The following RAD51B variants were observed in gnomAD, a reference collection of about 807,000 sequenced individuals.
The protein encoded by RAD51B is DNA repair protein RAD51 homolog 2.
A neutral mutation model predicts 42.2 loss-of-function variants in RAD51B; 38 were observed. The ratio of observed to expected loss-of-function variants is 0.90; its 90% CI spans 0.70 to 1.18. The LOEUF (loss-of-function observed/expected upper bound fraction) is 1.18. RAD51B is among the 50% of genes most tolerant of loss of function. The pLI, the probability that RAD51B is intolerant of heterozygous loss-of-function variation, is 0.00. For synonymous variants in RAD51B, 154 were observed against 145.2 expected (o/e 1.06, Z -0.43); for missense variants, 373 against 400.7 (o/e 0.93, Z 0.59).
chr14:68,606,074 A>T (rs1891433660), intron 10 of RAD51B, among the ~76,000 whole-genome samples: 1 of 152,132 alleles, frequency 6.6e-6, no homozygotes, highest in Admixed American at 6.5e-5. Context: ...GTGTGCCCTA[A>T]CCACACTCCC....
intron 1 of RAD51B, among the ~76,000 whole-genome samples, chr14:67,820,165 G>T (rs540026513): frequency 1.5e-4 from 23 of 152,290 alleles, no homozygotes; most frequent in African/African-American, 5.3e-4. Context: ...CCCGCTTCGG[G>T]CAGCCTGTCA....
chr14:68,325,837 C>T (rs542942837), intron 8 of RAD51B, among the ~76,000 whole-genome samples: 1 of 152,096 alleles, frequency 6.6e-6, no homozygotes, highest in East Asian at 1.9e-4. Context: ...ACTGACCATC[C>T]TATTGTACCT....
At chr14:68,126,346 C>G (rs1363704335) in intron 7 of RAD51B, among the ~76,000 whole-genome samples, 1 of 151,782 alleles carries the variant, frequency 6.6e-6, no homozygotes, top group African/African-American at 2.4e-5. Flanking sequence ...TTTGTGTATG[C>G]CAAAAAAAAG....
intron 7 of RAD51B, among the ~76,000 whole-genome samples, chr14:68,247,205 C>A (rs1346882841): frequency 6.6e-6 from 1 of 152,034 alleles, no homozygotes; most frequent in Non-Finnish European, 1.5e-5. Flanking sequence ...TTGCTTTATT[C>A]ACCAGCATTT....
intron 8 of RAD51B, among the ~76,000 whole-genome samples, chr14:68,302,321 G>A (rs2081758503): frequency 6.6e-6 from 1 of 152,212 alleles, no homozygotes; most frequent in South Asian, 2.1e-4. Flanking sequence ...GTGTCATGAT[G>A]GCATTAGGTT....
chr14:68,617,007 G>A (rs1436314607), intron 10 of RAD51B, among the ~76,000 whole-genome samples: 1 of 152,000 alleles, frequency 6.6e-6, no homozygotes, highest in African/African-American at 2.4e-5. Flanking sequence ...TTAAACAGCT[G>A]TTTTAACGTG....
chr14:68,535,953 T>A (rs1887593362), intron 10 of RAD51B, among the ~76,000 whole-genome samples: 1 of 152,188 alleles, frequency 6.6e-6, no homozygotes, highest in Admixed American at 6.5e-5. Flanking sequence ...TGCTTCTGGC[T>A]AATGTAAGCC....
intron 7 of RAD51B, among the ~76,000 whole-genome samples, chr14:68,054,288 T>G (rs2076439398): frequency 6.6e-6 from 1 of 152,202 alleles, no homozygotes; most frequent in African/African-American, 2.4e-5. Context: ...CTTTGTCCCC[T>G]GCAACTTGAC....
At chr14:68,132,672 G>T (rs2077919012) in intron 7 of RAD51B, among the ~76,000 whole-genome samples, 1 of 152,152 alleles carries the variant, frequency 6.6e-6, no homozygotes, top group Non-Finnish European at 1.5e-5. Context: ...CCCAGAAACT[G>T]CTAGAACCAG....
At chr14:67,939,838 G>A (rs1005543408) in intron 7 of RAD51B, among the ~76,000 whole-genome samples, 1 of 151,086 alleles carries the variant, frequency 6.6e-6, no homozygotes, top group African/African-American at 2.4e-5. Flanking sequence ...GGGGATTAGG[G>A]TTTTAATACA....
intron 10 of RAD51B, among the ~76,000 whole-genome samples, chr14:68,574,358 G>C (rs1318179400): frequency 6.6e-6 from 1 of 152,164 alleles, no homozygotes; most frequent in Non-Finnish European, 1.5e-5. Flanking sequence ...AAAGTGCTAG[G>C]ATTACAGGTG....
intron 3 of RAD51B, among the ~76,000 whole-genome samples, chr14:67,831,273 G>A (rs1300102552): frequency 6.6e-6 from 1 of 152,180 alleles, no homozygotes; most frequent in African/African-American, 2.4e-5. Flanking sequence ...AGGCATGCAC[G>A]TGGGAGTCAT....
chr14:68,037,372 C>T (rs1039163398), intron 7 of RAD51B, among the ~76,000 whole-genome samples: 3 of 150,758 alleles, frequency 2.0e-5, no homozygotes, highest in East Asian at 2.0e-4. Flanking sequence ...AGGCACGTGC[C>T]GCCACACCCA....
At chr14:68,673,891 C>A (rs559373810) in intron 11 of RAD51B, among the ~76,000 whole-genome samples, 3 of 150,762 alleles carry the variant, frequency 2.0e-5, no homozygotes, top group African/African-American at 7.3e-5. Flanking sequence ...CACATGTATA[C>A]ATGCACACAC....
intron 7 of RAD51B, among the ~76,000 whole-genome samples, chr14:68,095,989 A>G (rs1346980289): frequency 1.1e-4 from 16 of 150,324 alleles, no homozygotes; most frequent in Non-Finnish European, 2.4e-4. Context: ...AAAAAAAAAA[A>G]AAAAAAAGAA....
chr14:67,878,972 C>A (rs1340260402), intron 5 of RAD51B, among the ~76,000 whole-genome samples: 1 of 152,218 alleles, frequency 6.6e-6, no homozygotes, highest in East Asian at 1.9e-4. Flanking sequence ...TCTCAGCCTC[C>A]CAAAGTCCTG....
chr14:68,140,162 A>G (rs1030051970), intron 7 of RAD51B, among the ~76,000 whole-genome samples: 1 of 152,222 alleles, frequency 6.6e-6, no homozygotes, highest in Non-Finnish European at 1.5e-5. Flanking sequence ...GTTTATAAAA[A>G]GTTAAGGATG....
At chr14:67,925,585 T>G (rs2140143990) in intron 7 of RAD51B, among the ~76,000 whole-genome samples, 1 of 152,268 alleles carries the variant, frequency 6.6e-6, no homozygotes, top group South Asian at 2.1e-4. Flanking sequence ...TCTACCATTC[T>G]GGGGTCTGGA....
chr14:68,137,883 A>G (rs1302323963), intron 7 of RAD51B, among the ~76,000 whole-genome samples: 2 of 152,220 alleles, frequency 1.3e-5, no homozygotes, highest in Non-Finnish European at 2.9e-5. Flanking sequence ...GAGGCGCTCC[A>G]TTAGTCATGG....
Sources: allele counts gnomAD v4.1 joint callset (sites outside exome capture counted in the v4.1 genomes callset), GRCh38; gene constraint gnomAD v4.1.1; transcripts MANE v1.5; gene names NCBI Gene and HGNC (gene_info 2026-07-23, HGNC 2026-07-21).